The following RAD51B variants were observed in gnomAD, a reference collection of about 807,000 sequenced individuals.
RAD51B encodes DNA repair protein RAD51 homolog 2.
In RAD51B, 38 loss-of-function variants were observed where a neutral mutation model predicts 42.2. The ratio of observed to expected loss-of-function variants is 0.90; its 90% CI spans 0.70 to 1.18. RAD51B has a LOEUF of 1.18. Among genes scored for constraint, RAD51B ranks in the 50% most tolerant of loss-of-function variants. RAD51B has a pLI of 0.00. For synonymous variants in RAD51B, 154 were observed against 145.2 expected (o/e 1.06, Z -0.43); for missense variants, 373 against 400.7 (o/e 0.93, Z 0.59).
At chr14:67,856,576 A>G (rs1475658958) in intron 4 of RAD51B, among the ~76,000 whole-genome samples, 2 of 152,182 alleles carry the variant, frequency 1.3e-5, no homozygotes, top group African/African-American at 4.8e-5. Context: ...AGGCATCCTT[A>G]AATTGTCTTC....
chr14:67,965,160 C>T (rs1328695920), intron 7 of RAD51B, among the ~76,000 whole-genome samples: 1 of 152,144 alleles, frequency 6.6e-6, no homozygotes, highest in Non-Finnish European at 1.5e-5. Flanking sequence ...CGGATACTCT[C>T]CAAACACCCT....
chr14:67,935,688 G>A (rs1288567825), intron 7 of RAD51B, among the ~76,000 whole-genome samples: 3 of 152,160 alleles, frequency 2.0e-5, no homozygotes, highest in Admixed American at 6.5e-5. Flanking sequence ...ATTTTAAAGT[G>A]GATTCTGTTG....
intron 7 of RAD51B, among the ~76,000 whole-genome samples, chr14:68,035,166 T>G (rs2076102031): frequency 1.3e-5 from 2 of 152,228 alleles, no homozygotes; most frequent in Non-Finnish European, 2.9e-5. Context: ...TGGATTTTAT[T>G]GTTTTATCTT....
At chr14:67,919,586 A>G (rs558638612) in intron 7 of RAD51B, among the ~76,000 whole-genome samples, 1 of 152,140 alleles carries the variant, frequency 6.6e-6, no homozygotes, top group Non-Finnish European at 1.5e-5. Context: ...TCACTTCTCT[A>G]AAATTTATTG....
chr14:68,135,809 G>A (rs1324925160), intron 7 of RAD51B, among the ~76,000 whole-genome samples: 3 of 152,164 alleles, frequency 2.0e-5, no homozygotes, highest in Non-Finnish European at 1.5e-5. Flanking sequence ...CTCATACTTA[G>A]TTAATTTCTT....
intron 7 of RAD51B, among the ~76,000 whole-genome samples, chr14:68,104,309 G>T (rs1168268647): frequency 6.6e-6 from 1 of 152,120 alleles, no homozygotes; most frequent in African/African-American, 2.4e-5. Context: ...AGCTTGCAAA[G>T]ATATGAGGGA....
intron 7 of RAD51B, among the ~76,000 whole-genome samples, chr14:68,195,884 G>A (rs1428880397): frequency 6.8e-6 from 1 of 147,158 alleles, no homozygotes; most frequent in Non-Finnish European, 1.5e-5. Context: ...CTCCAGCCTG[G>A]GCCACAAGAG....
At chr14:67,879,784 A>G (rs774960877) in intron 5 of RAD51B, among the ~76,000 whole-genome samples, 3 of 152,200 alleles carry the variant, frequency 2.0e-5, no homozygotes, top group African/African-American at 7.2e-5. Context: ...TGGTTGAGAT[A>G]TGAAGATCTG....
At chr14:68,494,006 T>C (rs1053692671) in intron 10 of RAD51B, among the ~76,000 whole-genome samples, 1 of 152,202 alleles carries the variant, frequency 6.6e-6, no homozygotes, top group African/African-American at 2.4e-5. Context: ...CTGGACGCAG[T>C]GGCTCATGCC....
intron 7 of RAD51B, among the ~76,000 whole-genome samples, chr14:68,090,946 G>C (rs1424274706): frequency 1.4e-5 from 2 of 144,998 alleles, no homozygotes; most frequent in Non-Finnish European, 1.5e-5. Flanking sequence ...GTGAGAACAT[G>C]CGGTGTTTGG....
chr14:68,203,716 C>T (rs1387438759), intron 7 of RAD51B, among the ~76,000 whole-genome samples: 7 of 152,182 alleles, frequency 4.6e-5, no homozygotes, highest in Non-Finnish European at 8.8e-5. Flanking sequence ...TTAGTTGAGT[C>T]GCCTTCATCA....
In RAD51B at chr14:68,384,130, A is replaced by G. The variant is rs369816539; in HGVS notation, c.854-27294A>G. Among the ~76,000 whole-genome samples, 5 of 152,354 alleles carry G rather than the reference A, an allele frequency of 3.3e-5. No homozygotes were observed. The East Asian group carries it at 9.6e-4, about 29-fold the overall frequency. On this transcript the variant is annotated intron_variant, in intron 8 of 10. Transcript: ENST00000471583. The stretch of plus-strand genomic sequence containing the variant: ...TCTCAAGTCAGCTTTTCACTTTGTC[A>G]AAGCAAAATCCATTTGCATCAATGA...
intron 7 of RAD51B, among the ~76,000 whole-genome samples, chr14:68,186,322 G>A (rs1333077972): frequency 1.3e-5 from 2 of 152,130 alleles, no homozygotes; most frequent in South Asian, 4.1e-4. Context: ...TTATGACTAA[G>A]TCCTCAAAGC....
intron 7 of RAD51B, among the ~76,000 whole-genome samples, chr14:68,171,502 T>C (rs981311686): frequency 6.6e-6 from 1 of 152,024 alleles, no homozygotes; most frequent in Non-Finnish European, 1.5e-5. Flanking sequence ...TGTTTCACCA[T>C]GTTGGCCCGG....
chr14:67,929,177 G>T (rs2044638010), intron 7 of RAD51B, among the ~76,000 whole-genome samples: 2 of 151,910 alleles, frequency 1.3e-5, no homozygotes, highest in South Asian at 4.2e-4. Context: ...GAGGTGCATG[G>T]TTAGATTGTT....
At chr14:68,449,367 G>A (rs926517357) in intron 9 of RAD51B, among the ~76,000 whole-genome samples, 41 of 152,262 alleles carry the variant, frequency 2.7e-4, no homozygotes, top group African/African-American at 9.4e-4. Context: ...AAAGAGCATG[G>A]TAAACATTTT....
intron 10 of RAD51B, among the ~76,000 whole-genome samples, chr14:68,554,313 C>G (rs772170070): frequency 1.6e-4 from 25 of 152,206 alleles, no homozygotes; most frequent in Non-Finnish European, 3.2e-4. Context: ...ATTAACCAAA[C>G]GAGCTAACAG....
At chr14:67,916,820 G>A (rs1595103463) in intron 7 of RAD51B, among the ~76,000 whole-genome samples, 1 of 152,230 alleles carries the variant, frequency 6.6e-6, no homozygotes, top group East Asian at 1.9e-4. Flanking sequence ...TATGTGTTGG[G>A]GTATTCCAGT....
At chr14:68,368,365 A>C (rs2083185172) in intron 8 of RAD51B, among the ~76,000 whole-genome samples, 1 of 152,218 alleles carries the variant, frequency 6.6e-6, no homozygotes, top group Admixed American at 6.5e-5. Flanking sequence ...GTCATAGCTA[A>C]GTCTTCAAGC....
Sources: allele counts gnomAD v4.1 joint callset (sites outside exome capture counted in the v4.1 genomes callset), GRCh38; gene constraint gnomAD v4.1.1; transcripts MANE v1.5; gene names NCBI Gene and HGNC (gene_info 2026-07-23, HGNC 2026-07-21).